ADRA1A: variants seen among roughly 807,000 people sequenced by gnomAD.
ADRA1A encodes adrenoceptor alpha 1A, also known as alpha-1A adrenergic receptor.
A neutral mutation model predicts 29.6 loss-of-function variants in ADRA1A; 31 were observed. The observed-to-expected ratio is 1.05, with a 90% CI of 0.79 to 1.41. The LOEUF (loss-of-function observed/expected upper bound fraction) is 1.41. Among genes scored for constraint, ADRA1A ranks in the 40% most tolerant of loss-of-function variants. The pLI, the probability that ADRA1A is intolerant of heterozygous loss-of-function variation, is 0.00. For missense variants in ADRA1A, 619 were observed against 601.1 expected (o/e 1.03, Z -0.31); for synonymous variants, 311 against 254.3 (o/e 1.22, Z -2.12).
intron 2 of ADRA1A, among the ~76,000 whole-genome samples, chr8:26,804,279 A>C (rs1361331302): frequency 2.6e-5 from 4 of 152,108 alleles, no homozygotes; most frequent in Non-Finnish European, 4.4e-5. Flanking sequence ...TACCCAGGAG[A>C]CATGAAAACA....
chr8:26,804,445 A>G lies in ADRA1A; in HGVS notation c.884-33779T>C, dbSNP rs1585725023. ...AGAATAGACTATTGATACATGTGAC[A>G]TGCATCTCAAAATCATTATCATGAA... On this transcript the variant is annotated intron_variant, in intron 2 of 2. Transcript: ENST00000380573. 2.0e-5 allele frequency among the ~76,000 whole-genome samples: 3 copies of G among 152,238 alleles called. No individual in the cohort carries two copies. In the South Asian group the frequency reaches 6.2e-4, roughly 32 times the overall value.
intron 2 of ADRA1A, among the ~76,000 whole-genome samples, chr8:26,826,835 C>G (rs956442147): frequency 3.9e-5 from 6 of 152,184 alleles, no homozygotes; most frequent in Non-Finnish European, 7.4e-5. Context: ...GAGCTATCTG[C>G]CAACCAGAAA....
downstream of ADRA1A, chr8:26,765,883 A>G: frequency 7.1e-7 from 1 of 1,415,932 alleles, no homozygotes; most frequent in South Asian, 1.7e-5. Flanking sequence ...CCAAGCAAAT[A>G]GTTCCTAAAA....
At chr8:26,800,321 A>C (rs1222165784) in intron 2 of ADRA1A, among the ~76,000 whole-genome samples, 4 of 152,120 alleles carry the variant, frequency 2.6e-5, no homozygotes, top group Non-Finnish European at 4.4e-5. Context: ...AAGACAGACT[A>C]ATAGATGAAT....
chr8:26,802,207 C>CA (rs148265497), intron 2 of ADRA1A, among the ~76,000 whole-genome samples: 2,657 of 151,222 alleles, frequency 0.018, 68 homozygotes, highest in African/African-American at 0.058. Flanking sequence ...GCAACCAAAG[C>CA]AAAAAAAACG....
chr8:26,788,182 G>A (rs1427945777), intron 2 of ADRA1A, among the ~76,000 whole-genome samples: 1 of 152,132 alleles, frequency 6.6e-6, no homozygotes, highest in Non-Finnish European at 1.5e-5. Flanking sequence ...GCTACAGAAA[G>A]ATAAGGTATA....
chr8:26,843,233 G>C (rs61762870), intron 2 of ADRA1A, among the ~76,000 whole-genome samples: 4 of 152,150 alleles, frequency 2.6e-5, no homozygotes, highest in Non-Finnish European at 4.4e-5. Context: ...AACCGAGCCC[G>C]CAGCAGATGC....
At chr8:26,857,890 C>T (rs1813165998) in intron 2 of ADRA1A, among the ~76,000 whole-genome samples, 1 of 152,146 alleles carries the variant, frequency 6.6e-6, no homozygotes, top group Non-Finnish European at 1.5e-5. Context: ...TATACCTTTG[C>T]TAGGTATCTA....
intron 2 of ADRA1A, among the ~76,000 whole-genome samples, chr8:26,820,254 G>C (rs965486795): frequency 2.0e-5 from 3 of 152,080 alleles, no homozygotes; most frequent in African/African-American, 7.2e-5. Flanking sequence ...GCTAACAGAC[G>C]TACAGAATAT....
intron 2 of ADRA1A, among the ~76,000 whole-genome samples, chr8:26,827,958 A>C (rs1488708502): frequency 1.3e-5 from 2 of 152,102 alleles, no homozygotes; most frequent in Non-Finnish European, 1.5e-5. Context: ...CAGTGGCGTG[A>C]TCATGGCTCA....
downstream of ADRA1A, among the ~76,000 whole-genome samples, chr8:26,755,780 G>T (rs1805135980): frequency 6.6e-6 from 1 of 152,112 alleles, no homozygotes; most frequent in African/African-American, 2.4e-5. Flanking sequence ...CCCTGGACTT[G>T]GCGCTGGAGC....
At chr8:26,782,971 C>T (rs1807103746) in intron 2 of ADRA1A, among the ~76,000 whole-genome samples, 1 of 152,160 alleles carries the variant, frequency 6.6e-6, no homozygotes, top group Non-Finnish European at 1.5e-5. Context: ...AATCACCCAG[C>T]CCTGACTACG....
At chr8:26,782,703 C>T (rs1319680127) in intron 2 of ADRA1A, among the ~76,000 whole-genome samples, 2 of 152,162 alleles carry the variant, frequency 1.3e-5, no homozygotes, top group East Asian at 3.9e-4. Flanking sequence ...CTTTCTTTTC[C>T]CTATGACTTG....
rs1005120601 is a variant in ADRA1A, at chr8:26,775,092, G to A, written c.884-4426C>T. 3.3e-5 allele frequency among the ~76,000 whole-genome samples: 5 copies of A among 152,150 alleles called. No individual in the cohort carries two copies. The highest frequency in any genetic ancestry group is 1.2e-4 in the African/African-American group (5 of 41,448). ...GGAAGTCCATTCGAGCAGCCATCCGGCCGGCTTTGCTCACTCACGGAGCTC... is the reference window on the plus strand; with the variant it reads ...GGAAGTCCATTCGAGCAGCCATCCGACCGGCTTTGCTCACTCACGGAGCTC... On this transcript the variant is annotated intron_variant, in intron 2 of 2. Transcript: ENST00000380573. The surrounding 1 kb of genome is among the most constrained non-coding windows in gnomAD (Gnocchi z 4.1).
rs1161877218 is a variant in ADRA1A, at chr8:26,775,291, A to T, written c.884-4625T>A. ...GTGGCTTGGTTTTCTTTTCTGCGTG[A>T]TGGCTGTAGCCTCATATTATCTCCC... On this transcript the variant is annotated intron_variant, in intron 2 of 2. Transcript: ENST00000380573. The surrounding 1 kb of genome is among the most constrained non-coding windows in gnomAD (Gnocchi z 4.1). 6.6e-6 allele frequency among the ~76,000 whole-genome samples: 1 copy of T among 152,120 alleles called. No individual in the cohort carries two copies. The highest frequency in any genetic ancestry group is 1.5e-5 in the Non-Finnish European group (1 of 68,028).
intron 2 of ADRA1A, among the ~76,000 whole-genome samples, chr8:26,852,160 C>G (rs903181737): frequency 1.3e-5 from 2 of 152,098 alleles, no homozygotes; most frequent in Admixed American, 1.3e-4. Context: ...CCTGTCTACA[C>G]AGGACAAGGG....
chr8:26,851,220 T>G (rs2130743906), intron 2 of ADRA1A, among the ~76,000 whole-genome samples: 1 of 152,096 alleles, frequency 6.6e-6, no homozygotes, highest in African/African-American at 2.4e-5. Flanking sequence ...AAAAGAAGAG[T>G]GTGCTAAACT....
Position 26,770,666 on chromosome 8 carries a change from C to T in ADRA1A, c.884G>A (p.Gly295Glu). ...WLPFFLVMPI[G>E]SFFPDFKPSE... ...GGGCTTGAAATCAGGGAAGAAAGACCCTGGAAGAAAACACACAGATTTATA... is the reference window on the plus strand; with the variant it reads ...GGGCTTGAAATCAGGGAAGAAAGACTCTGGAAGAAAACACACAGATTTATA... The change falls in exon 3 of 3, where the codon GGG becomes GAG. Residue 295 changes from glycine (G) to glutamate (E), a missense_variant and splice_region_variant. Coordinates refer to ENST00000380573, the MANE Select transcript of ADRA1A (RefSeq NM_000680.4). 6.2e-7 allele frequency: 1 copy of T among 1,606,488 alleles called. No individual in the cohort carries two copies. Among genetic ancestry groups the T allele is most frequent in the Non-Finnish European group, 8.5e-7 (1 of 1,176,486 alleles).
intron 2 of ADRA1A, among the ~76,000 whole-genome samples, chr8:26,834,638 G>T (rs75180970): frequency 0.063 from 9,586 of 152,180 alleles, 329 homozygotes; most frequent in Non-Finnish European, 0.076. Flanking sequence ...GATCCCACCA[G>T]CCCAGAAGAG....
Sources: allele counts gnomAD v4.1 joint callset (sites outside exome capture counted in the v4.1 genomes callset), GRCh38; gene constraint gnomAD v4.1.1; non-coding constraint Gnocchi (gnomAD v3.1); transcripts MANE v1.5; gene names NCBI Gene and HGNC (gene_info 2026-07-23, HGNC 2026-07-21).